Variants in KATNAL2 observed in about 807,000 individuals in gnomAD.
KATNAL2 encodes katanin catalytic subunit A1 like 2, also known as katanin p60 ATPase-containing subunit A-like 2.
KATNAL2 carries 52 observed loss-of-function variants against 76.3 expected under a neutral mutation model. That is an observed-to-expected ratio of 0.68 (90% CI 0.55 to 0.86). KATNAL2 has a LOEUF of 0.86. KATNAL2 is among the 40% of genes least tolerant of loss of function. The probability of loss-of-function intolerance (pLI) is 0.00; values close to 1 mark genes in which losing one functional copy is unlikely to be tolerated. For synonymous variants in KATNAL2, 243 were observed against 244.2 expected, an observed-to-expected ratio of 1.00 and a Z score of 0.05; for missense variants, 660 against 668.9, an observed-to-expected ratio of 0.99 and a Z score of 0.15.
Position 47,032,723 on chromosome 18 carries a change from T to G in KATNAL2, c.52-13734T>G, listed in dbSNP as rs2060532065. The G allele has an allele frequency of 7.2e-6, 4 of 552,292 alleles. No homozygotes were observed. The South Asian group carries it at 9.3e-5, about 13-fold the overall frequency. The allele number at this position is 552,292 out of a possible 1,614,324, so 34.2% of individuals were successfully genotyped here. On this transcript the variant is annotated intron_variant, in intron 3 of 17. Transcript: ENST00000683218. ...CTTTTTCCTTATTTATGATTACAAC[T>G]AGGGTGTTTTTAAAAATTATCAGTG...
chr18:47,067,526 C>T (rs779572499), intron 11 of KATNAL2, among the ~76,000 whole-genome samples: 2 of 152,166 alleles, frequency 1.3e-5, no homozygotes, highest in East Asian at 1.9e-4. Context: ...TCCCCAGGAT[C>T]GTCTGGGGCT....
At chr18:47,068,665 T>G (rs2061892582) in intron 11 of KATNAL2, among the ~76,000 whole-genome samples, 1 of 152,202 alleles carries the variant, frequency 6.6e-6, no homozygotes. Flanking sequence ...TTCCCGAGAT[T>G]GTTTGAATTT....
At chr18:47,050,960 G>C (rs775977745) in intron 4 of KATNAL2, among the ~76,000 whole-genome samples, 1 of 152,212 alleles carries the variant, frequency 6.6e-6, no homozygotes, top group Non-Finnish European at 1.5e-5. Flanking sequence ...ATGTGTGAGT[G>C]AGAATTGGTG....
intron 15 of KATNAL2, among the ~76,000 whole-genome samples, chr18:47,089,741 G>A (rs1440341364): frequency 2.0e-5 from 3 of 152,124 alleles, no homozygotes; most frequent in East Asian, 1.9e-4. Context: ...AAGTTGATGC[G>A]GCTTTTCTCT....
intron 16 of KATNAL2, 124 bp downstream of exon 16, chr18:47,099,529 C>T (rs1024500599): frequency 1.6e-5 from 14 of 869,668 alleles, no homozygotes; most frequent in Admixed American, 3.2e-5. Flanking sequence ...AAGCTGCCCC[C>T]GTAATGCAAT....
intron 1 of KATNAL2, among the ~76,000 whole-genome samples, chr18:46,923,650 A>G (rs554248557): frequency 1.7e-4 from 26 of 152,280 alleles, no homozygotes; most frequent in African/African-American, 4.3e-4. Flanking sequence ...GAATCGCCAC[A>G]CTGACTTCCA....
chr18:47,067,478 A>G (rs2061849463), intron 11 of KATNAL2, among the ~76,000 whole-genome samples: 1 of 152,158 alleles, frequency 6.6e-6, no homozygotes, highest in Non-Finnish European at 1.5e-5. Context: ...TTGTTTCCAC[A>G]GATCCTTCCT....
At chr18:47,063,399 A>T (rs374721460) in intron 10 of KATNAL2, 38 bp downstream of exon 10, 94 of 1,528,202 alleles carry the variant, frequency 6.2e-5, no homozygotes, top group Non-Finnish European at 8.4e-5. Flanking sequence ...TTATGGAGGC[A>T]GGCTGGGGCT....
intron 6 of KATNAL2, 36 bp from the exon 7 acceptor site, chr18:47,058,199 A>T (rs765220517): frequency 7.4e-7 from 1 of 1,357,648 alleles, no homozygotes; most frequent in Non-Finnish European, 1.1e-6. Context: ...AAGTGGCTAG[A>T]ATAATTTCTT....
rs2063439018 is a variant in KATNAL2 at position 47,101,556 on chromosome 18, C to T, written c.*551C>T. The T allele has an allele frequency of 6.5e-6, 1 of 154,512 alleles. No homozygotes were observed. Among genetic ancestry groups the T allele is most frequent in the Non-Finnish European group, 1.4e-5 (1 of 69,486 alleles). 9.6% of individuals were successfully genotyped at this position (154,512 alleles called of 1,614,324 possible). Reference sequence around the variant, plus strand: ...CATCCAGCTTTGTCAGCAGCAAACCCCTCCCAAACTAAGCCCCACTCAGAA... The same window carrying T: ...CATCCAGCTTTGTCAGCAGCAAACCTCTCCCAAACTAAGCCCCACTCAGAA... On this transcript the variant is annotated 3_prime_UTR_variant, in exon 18 of 18. Transcript: ENST00000683218.
At chr18:47,075,473 G>A (rs1299725073) in intron 14 of KATNAL2, 105 bp downstream of exon 14, 5 of 780,382 alleles carry the variant, frequency 6.4e-6, no homozygotes, top group East Asian at 3.4e-5. Context: ...CTAGCAGAAT[G>A]AGCCCATTAA....
At chr18:47,055,533 C>T (rs1475323343) in intron 6 of KATNAL2, among the ~76,000 whole-genome samples, 3 of 152,280 alleles carry the variant, frequency 2.0e-5, no homozygotes, top group Non-Finnish European at 2.9e-5. Context: ...AGCCCACGCA[C>T]GCTCCACGAT....
chr18:47,034,777 G>C lies in KATNAL2; in HGVS notation c.52-11680G>C, dbSNP rs1309186029. 8.1e-6 allele frequency: 13 copies of C among 1,612,604 alleles called. 1 individual carries two copies. The highest frequency in any genetic ancestry group is 8.0e-5 in the African/African-American group (6 of 75,014). On this transcript the variant is annotated intron_variant, in intron 3 of 17. Coordinates refer to ENST00000683218, the MANE Select transcript of KATNAL2 (RefSeq NM_001387690.1). ...AGAGGCCCGATAGCGGCCGGAATCAGCTGGGGCTATTCTGGGGCACTTTCT... is the reference window on the plus strand; with the variant it reads ...AGAGGCCCGATAGCGGCCGGAATCACCTGGGGCTATTCTGGGGCACTTTCT...
chr18:47,092,881 T>A (rs1245316655), intron 15 of KATNAL2, among the ~76,000 whole-genome samples: 1 of 151,608 alleles, frequency 6.6e-6, no homozygotes, highest in Non-Finnish European at 1.5e-5. Context: ...TGGGAGGTAA[T>A]TTTTTTTTAG....
chr18:47,042,552 C>G (rs2060997576), intron 3 of KATNAL2, among the ~76,000 whole-genome samples: 1 of 151,832 alleles, frequency 6.6e-6, no homozygotes. Context: ...CTCTAAAAAA[C>G]AAGAATAAGA....
At chr18:46,961,278 G>T (rs2059937630) in intron 3 of KATNAL2, among the ~76,000 whole-genome samples, 1 of 151,920 alleles carries the variant, frequency 6.6e-6, no homozygotes, top group Non-Finnish European at 1.5e-5. Context: ...TAGGCAAGGT[G>T]GCAGGGGCGG....
intron 3 of KATNAL2, among the ~76,000 whole-genome samples, chr18:46,947,434 C>T (rs8094654): frequency 0.44 from 67,362 of 151,650 alleles, 15,033 homozygotes; most frequent in Middle Eastern, 0.52. Context: ...CTTTTTCACA[C>T]GAAGATTACA....
intron 4 of KATNAL2, among the ~76,000 whole-genome samples, chr18:47,050,316 G>T (rs2061303691): frequency 6.6e-6 from 1 of 152,126 alleles, no homozygotes; most frequent in African/African-American, 2.4e-5. Flanking sequence ...TGTGAACATA[G>T]TAACAGAATC....
intron 3 of KATNAL2, among the ~76,000 whole-genome samples, chr18:47,036,462 CTT>C (rs2060778463): frequency 2.6e-5 from 4 of 152,232 alleles, no homozygotes. Flanking sequence ...TCCTCTCTGT[CTT>C]TGACTGGAGT....
Sources: gnomAD v4.1 joint callset for allele counts (sites outside exome capture counted in the v4.1 genomes callset) on GRCh38, gnomAD v4.1.1 for gene constraint, MANE v1.5 for transcripts, NCBI Gene and HGNC (gene_info 2026-07-23, HGNC 2026-07-21) for gene names.